The following COL7A1 variants were observed in gnomAD, a reference collection of about 807,000 sequenced individuals.
The protein encoded by COL7A1 is collagen alpha-1(VII) chain.
COL7A1 carries 296 observed loss-of-function variants against 456.2 expected under a neutral mutation model. That is an observed-to-expected ratio of 0.65 (90% confidence interval 0.59 to 0.71). The LOEUF is 0.71. Among genes scored for constraint, COL7A1 ranks in the 30% least tolerant of loss-of-function variants. COL7A1 has a pLI of 0.00. For missense variants in COL7A1, 3,441 were observed against 4,017.2 expected (o/e 0.86, Z 3.88); for synonymous variants, 1,464 against 1,525.9 (o/e 0.96, Z 0.95).
rs762232738 is a variant in COL7A1, at chr3:48,567,203, G to T, written c.8047-13C>A. The T allele has an allele frequency of 6.2e-7, 1 of 1,613,802 alleles. No homozygotes were observed. Among genetic ancestry groups the T allele is most frequent in the South Asian group, 1.1e-5 (1 of 91,080 alleles). ...AGCCTCGGTCACCCTGGGAACAGAA[G>T]AAGCATGAGAGACCTTCTGCCCTGA... On this transcript the variant is annotated splice_polypyrimidine_tract_variant and intron_variant, in intron 109 of 118. Transcript: ENST00000681320. This position sits in a 1 kb window ranked among gnomAD's most constrained non-coding sequence, Gnocchi z 4.3.
rs777140960 is a variant in COL7A1 at position 48,567,195 on chromosome 3, G to C, written c.8047-5C>G. 6.2e-7 allele frequency: 1 copy of C among 1,613,820 alleles called. No individual in the cohort carries two copies. The highest frequency in any genetic ancestry group is 8.5e-7 in the Non-Finnish European group (1 of 1,179,952). On this transcript the variant is annotated splice_polypyrimidine_tract_variant and splice_region_variant and intron_variant, in intron 109 of 118. Coordinates refer to ENST00000681320, the MANE Select transcript of COL7A1 (RefSeq NM_000094.4). This position sits in a 1 kb window ranked among gnomAD's most constrained non-coding sequence, Gnocchi z 4.3. Reference sequence around the variant, plus strand: ...CCCGTCAAAGCCTCGGTCACCCTGGGAACAGAAGAAGCATGAGAGACCTTC... The same window carrying C: ...CCCGTCAAAGCCTCGGTCACCCTGGCAACAGAAGAAGCATGAGAGACCTTC...
Position 48,583,205 on chromosome 3 carries a change from G to C in COL7A1, c.4438-34C>G, listed in dbSNP as rs200321614. On this transcript the variant is annotated intron_variant, in intron 42 of 118. Coordinates refer to ENST00000681320, the MANE Select transcript of COL7A1 (RefSeq NM_000094.4). This position sits in a 1 kb window ranked among gnomAD's most constrained non-coding sequence, Gnocchi z 5.1. ...AGAGGGTGAGAGAAAGACAGAGAGA[G>C]AGAGGGTTGGTGGCGGGGCTTGAAC... 8.7e-6 allele frequency: 14 copies of C among 1,612,926 alleles called. No individual in the cohort carries two copies. The East Asian group carries it at 2.5e-4, about 28-fold the overall frequency.
In COL7A1 at chr3:48,593,648, G is replaced by A. The variant is rs1344559190; in HGVS notation, c.315C>T (p.Arg105=). The A allele has an allele frequency of 5.0e-6, 8 of 1,614,078 alleles. No individual in the cohort carries two copies. The highest frequency in any genetic ancestry group is 1.6e-4 in the Middle Eastern group (1 of 6,084). Residue 105 remains arginine, a synonymous_variant, in exon 4 of 119, where the codon CGC becomes CGT. Transcript: ENST00000681320. The surrounding 1 kb of genome is among the most constrained non-coding windows in gnomAD (Gnocchi z 4.4). ...DALGSGGDVI[R]AIRELSYKGG... The stretch of plus-strand genomic sequence containing the variant: ...CCTTGTAGCTAAGCTCACGGATGGC[G>A]CGGATCACATCACCCCCAGAGCCAA...
Position 48,572,746 on chromosome 3 carries a change from C to T in COL7A1, c.6832-7G>A. 1.2e-6 allele frequency: 2 copies of T among 1,610,428 alleles called. No homozygotes were observed. Among genetic ancestry groups the T allele is most frequent in the Non-Finnish European group, 8.5e-7 (1 of 1,178,350 alleles). ...CAGGCAGACCTGGTGACCCCTATGG[C>T]AGAGCAGCGTGAGGAACTCAGTGCC... On this transcript the variant is annotated splice_region_variant and splice_polypyrimidine_tract_variant and intron_variant, in intron 87 of 118. Coordinates refer to ENST00000681320, the MANE Select transcript of COL7A1 (RefSeq NM_000094.4). The surrounding 1 kb of genome is among the most constrained non-coding windows in gnomAD (Gnocchi z 4.6).
At position 48,572,110 on chromosome 3, in the gene COL7A1, G is replaced by A. The variant is rs1404939481; in HGVS notation, c.7023+17C>T. ...TTCTCTGCTCAGTAGTCAGGCCCCA[G>A]GGCCAACCCACCTCACCTTCTCGCC... On this transcript the variant is annotated intron_variant, in intron 91 of 118. Coordinates refer to ENST00000681320, the MANE Select transcript of COL7A1 (RefSeq NM_000094.4). This position sits in a 1 kb window ranked among gnomAD's most constrained non-coding sequence, Gnocchi z 4.6. The A allele has an allele frequency of 6.2e-7, 1 of 1,613,980 alleles. No homozygotes were observed. The highest frequency in any genetic ancestry group is 8.5e-7 in the Non-Finnish European group (1 of 1,179,952).
In COL7A1 at chr3:48,590,508, T is replaced by C. The variant is rs145812249; in HGVS notation, c.1857A>G (p.Gly619=). ...GAAATCCACTGGCTCCAGGGACGGGTCCCCAGGCCACCCTCACTCGCGTTG... is the reference window on the plus strand; with the variant it reads ...GAAATCCACTGGCTCCAGGGACGGGCCCCCAGGCCACCCTCACTCGCGTTG... ...SDATRVRVAW[G]PVPGASGFRI... The change falls in exon 15 of 119, where the codon GGA becomes GGG. Residue 619 remains glycine (G), a synonymous_variant. Coordinates refer to ENST00000681320, the MANE Select transcript of COL7A1 (RefSeq NM_000094.4). The surrounding 1 kb of genome is among the most constrained non-coding windows in gnomAD (Gnocchi z 4.6). 4.3e-5 allele frequency: 69 copies of C among 1,613,922 alleles called. No individual in the cohort carries two copies. The African/African-American group carries it at 6.8e-4, about 16-fold the overall frequency.
rs958423268 is a variant in COL7A1 at position 48,578,844 on chromosome 3, G to A, written c.5424+75C>T. ...CGACCCCCCACCAACTCTCTCGGAT[G>A]CTGTGACTATGATGATCTGGTTGGA... On this transcript the variant is annotated intron_variant, in intron 63 of 118. Transcript: ENST00000681320. This position sits in a 1 kb window ranked among gnomAD's most constrained non-coding sequence, Gnocchi z 4.7. 6.8e-7 allele frequency: 1 copy of A among 1,481,206 alleles called. No homozygotes were observed. Among genetic ancestry groups the A allele is most frequent in the African/African-American group, 1.4e-5 (1 of 71,198 alleles). 91.8% of individuals were successfully genotyped at this position (1,481,206 alleles called of 1,614,324 possible). A position where few individuals can be genotyped will look rare whatever the true frequency, so the allele number is the denominator to read the frequency against.
chr3:48,566,467 G>A lies in COL7A1; in HGVS notation c.8358+43C>T, dbSNP rs373291907. The A allele has an allele frequency of 6.6e-7, 1 of 1,517,638 alleles. No individual in the cohort carries two copies. The highest frequency in any genetic ancestry group is 9.1e-7 in the Non-Finnish European group (1 of 1,097,148). 94.0% of individuals were successfully genotyped at this position (1,517,638 alleles called of 1,614,324 possible). A position where few individuals can be genotyped will look rare whatever the true frequency, so the allele number is the denominator to read the frequency against. On this transcript the variant is annotated intron_variant, in intron 113 of 118. Transcript: ENST00000681320. The surrounding 1 kb of genome is among the most constrained non-coding windows in gnomAD (Gnocchi z 5.9). Reference sequence around the variant, plus strand: ...GGGAGGTAGGGCCCCAGCCCACCCAGGCCCACCCAGGCCCTCCCAGGCCCA... The same window carrying A: ...GGGAGGTAGGGCCCCAGCCCACCCAAGCCCACCCAGGCCCTCCCAGGCCCA...
Position 48,592,512 on chromosome 3 carries a change from G to T in COL7A1, c.977-45C>A. 6.2e-7 allele frequency: 1 copy of T among 1,613,394 alleles called. No homozygotes were observed. Among genetic ancestry groups the T allele is most frequent in the East Asian group, 2.2e-5 (1 of 44,882 alleles). On this transcript the variant is annotated intron_variant, in intron 8 of 118. Coordinates refer to ENST00000681320, the MANE Select transcript of COL7A1 (RefSeq NM_000094.4). This position sits in a 1 kb window ranked among gnomAD's most constrained non-coding sequence, Gnocchi z 7.6. ...GGGATTCATGGAGTCAGAAGTGGGA[G>T]GGGGTACTGGGGTCGGGGGTTAGGT...
chr3:48,582,160 T>C (rs1350663361), intron 47 of COL7A1, among the ~76,000 whole-genome samples, 163 bp downstream of exon 47: 1 of 152,150 alleles, frequency 6.6e-6, no homozygotes, highest in Non-Finnish European at 1.5e-5. Flanking sequence ...CACAGGATCA[T>C]AGCCAAGAGT....
In COL7A1 at chr3:48,581,681, C is replaced by T. The variant is rs748788667; in HGVS notation, c.4722+25G>A. 1.9e-6 allele frequency: 3 copies of T among 1,614,138 alleles called. No homozygotes were observed. In the South Asian group the frequency reaches 3.3e-5, roughly 18 times the overall value. On this transcript the variant is annotated intron_variant, in intron 49 of 118. Transcript: ENST00000681320. The surrounding 1 kb of genome is among the most constrained non-coding windows in gnomAD (Gnocchi z 5.8). ...CAGGAAGACAACCTTCACCAACTGC[C>T]CCCTAAACACTTCGCTTCACTTACC...
At position 48,566,167 on chromosome 3, in the gene COL7A1, C is replaced by G. The variant is rs975738958; in HGVS notation, c.8407+100G>C. The G allele has an allele frequency of 5.6e-6, 7 of 1,258,250 alleles. No individual in the cohort carries two copies. Among genetic ancestry groups the G allele is most frequent in the Non-Finnish European group, 7.9e-6 (7 of 881,340 alleles). The allele number at this position is 1,258,250 out of a possible 1,614,324, so 77.9% of individuals were successfully genotyped here. A position where few individuals can be genotyped will look rare whatever the true frequency, so the allele number is the denominator to read the frequency against. ...TCCTTCTGTGTATCCATCCATCCCC[C>G]CATCTTCTTGACTGCTTGCCCTGTA... On this transcript the variant is annotated intron_variant, in intron 114 of 118. Coordinates refer to ENST00000681320, the MANE Select transcript of COL7A1 (RefSeq NM_000094.4). The surrounding 1 kb of genome is among the most constrained non-coding windows in gnomAD (Gnocchi z 5.9).
At position 48,594,038 on chromosome 3, in the gene COL7A1, G is replaced by A. The variant is rs977991760; in HGVS notation, c.266+330C>T. 5.3e-5 allele frequency among the ~76,000 whole-genome samples: 8 copies of A among 152,196 alleles called. No individual in the cohort carries two copies. The highest frequency in any genetic ancestry group is 7.4e-5 in the Non-Finnish European group (5 of 68,024). ...GCCAGATGGAGCACCTCTGGTGAACGGCTGCAAGGGTTAGAGGGCTAGAAC... is the reference window on the plus strand; with the variant it reads ...GCCAGATGGAGCACCTCTGGTGAACAGCTGCAAGGGTTAGAGGGCTAGAAC... On this transcript the variant is annotated intron_variant, in intron 3 of 118. Transcript: ENST00000681320. The surrounding 1 kb of genome is among the most constrained non-coding windows in gnomAD (Gnocchi z 5.5).
In COL7A1 at chr3:48,582,591, C is replaced by T. The variant is rs1310723375; in HGVS notation, c.4563+18G>A. ...CACAAAAGTCCCACTCCTGGTCCCACCACAGTCACAGACTCACTTCAGGAC... is the reference window on the plus strand; with the variant it reads ...CACAAAAGTCCCACTCCTGGTCCCATCACAGTCACAGACTCACTTCAGGAC... On this transcript the variant is annotated intron_variant, in intron 45 of 118. Transcript: ENST00000681320. 2.5e-6 allele frequency: 4 copies of T among 1,613,658 alleles called. No individual in the cohort carries two copies. The highest frequency in any genetic ancestry group is 1.3e-5 in the African/African-American group (1 of 74,904).
chr3:48,567,855 C>A lies in COL7A1; in HGVS notation c.7912G>T (p.Gly2638Ter), dbSNP rs1319109308. 1 of 1,614,150 alleles carries A rather than the reference C, an allele frequency of 6.2e-7. No homozygotes were observed. The highest frequency in any genetic ancestry group is 1.7e-5 in the Admixed American group (1 of 60,026). Reference sequence around the variant, plus strand: ...CTCTGTACCTTGTCTCCCTTCTCTCCATCAAGGCCACAGGCTCCCTTCACT... The same window carrying A: ...CTCTGTACCTTGTCTCCCTTCTCTCAATCAAGGCCACAGGCTCCCTTCACT... ...RGVKGACGLD[G>*]EKGDKGEAGP... is the part of the protein sequence containing the mutation. The change falls in exon 107 of 119, where the codon GGA (glycine) becomes TGA (stop). Residue 2638 changes from glycine (G) to a stop codon, truncating the protein, a stop_gained. Coordinates refer to ENST00000681320, the MANE Select transcript of COL7A1 (RefSeq NM_000094.4). LOFTEE classifies it high-confidence loss of function. The surrounding 1 kb of genome is among the most constrained non-coding windows in gnomAD (Gnocchi z 4.3).
chr3:48,575,728 G>C lies in COL7A1; in HGVS notation c.5877C>G (p.Ile1959Met), dbSNP rs779298653. Residue 1959 changes from isoleucine (I) to methionine (M), a missense_variant, in exon 73 of 119, where the codon ATC becomes ATG. Ile to Met is a conservative substitution (Grantham distance 10). Around this residue, in one of 3 missense-constraint regions of COL7A1, gnomAD observed 2,084 missense variants for 2,501.3 expected, o/e 0.83. Coordinates refer to ENST00000681320, the MANE Select transcript of COL7A1 (RefSeq NM_000094.4). The surrounding 1 kb of genome is among the most constrained non-coding windows in gnomAD (Gnocchi z 6.3). The stretch of plus-strand genomic sequence containing the variant: ...CAGAGCTCTCATCCCAGGTCTCCAC[G>C]ATCTCCCGCAGGGCAGATGCCTGAG... The part of the protein sequence containing the change: ...AGIKASALRE[I>M]VETWDESSGS... 9.3e-6 allele frequency: 15 copies of C among 1,613,930 alleles called. No homozygotes were observed. The highest frequency in any genetic ancestry group is 1.3e-5 in the African/African-American group (1 of 75,044).
rs200802373 is a variant in COL7A1 at position 48,584,360 on chromosome 3, G to A, written c.4135C>T (p.Arg1379Cys). 1.7e-4 allele frequency: 277 copies of A among 1,613,382 alleles called. No homozygotes were observed. The highest frequency in any genetic ancestry group is 2.1e-4 in the Non-Finnish European group (245 of 1,179,702). ...DPGPSGPPGP[R>C]GPLGDPGPRG... ...GGTCCTGGGTCCCCCAGTGGTCCAC[G>A]AGGTCCAGGGGGGCCCTGATGGAGG... The change falls in exon 37 of 119, where the codon CGT (arginine) becomes TGT (cysteine). Residue 1379 changes from arginine (R) to cysteine (C), a missense_variant. By Grantham distance (180) the Arg-to-Cys change is radical. Around this residue, in one of 3 missense-constraint regions of COL7A1, gnomAD observed 2,084 missense variants for 2,501.3 expected, o/e 0.83. Coordinates refer to ENST00000681320, the MANE Select transcript of COL7A1 (RefSeq NM_000094.4).
In COL7A1 at chr3:48,564,837, G is replaced by C; in HGVS notation, c.8764C>G (p.Arg2922Gly). 2 of 1,614,054 alleles carry C rather than the reference G, an allele frequency of 1.2e-6. No individual in the cohort carries two copies. Among genetic ancestry groups the C allele is most frequent in the South Asian group, 2.2e-5 (2 of 91,084 alleles). ...CGGNANRFGT[R>G]EACERRCPPR... ...GGGCAGCGGCGCTCGCAGGCCTCAC[G>C]GGTCCCAAAACGGTTGGCATTCCCT... The change falls in exon 118 of 119, where the codon CGT (arginine) becomes GGT (glycine). Residue 2922 changes from arginine to glycine, a missense_variant. By Grantham distance (125) the Arg-to-Gly change is moderately radical. Around this residue, in one of 3 missense-constraint regions of COL7A1, gnomAD observed 2,084 missense variants for 2,501.3 expected, o/e 0.83. Coordinates refer to ENST00000681320, the MANE Select transcript of COL7A1 (RefSeq NM_000094.4). The surrounding 1 kb of genome is among the most constrained non-coding windows in gnomAD (Gnocchi z 6.0).
rs756820426 is a variant in COL7A1, at chr3:48,587,980, T to C, written c.2711-41A>G. 2.6e-6 allele frequency: 4 copies of C among 1,553,080 alleles called. No individual in the cohort carries two copies. In the African/African-American group the frequency reaches 4.1e-5, roughly 16 times the overall value. Reference sequence around the variant, plus strand: ...GGGTGGGGGCCAAGAGCATGTGGGATAGTGACACCTGGGGGCATTAAAGGG... The same window carrying C: ...GGGTGGGGGCCAAGAGCATGTGGGACAGTGACACCTGGGGGCATTAAAGGG... On this transcript the variant is annotated intron_variant, in intron 21 of 118. Transcript: ENST00000681320. This position sits in a 1 kb window ranked among gnomAD's most constrained non-coding sequence, Gnocchi z 6.1.
Sources: allele counts gnomAD v4.1 joint callset (sites outside exome capture counted in the v4.1 genomes callset), GRCh38; gene constraint gnomAD v4.1.1; regional missense constraint gnomAD v4.1.1; non-coding constraint Gnocchi (gnomAD v3.1); transcripts MANE v1.5; gene names NCBI Gene and HGNC (gene_info 2026-07-23, HGNC 2026-07-21).